Variants in EFL1 observed in about 807,000 individuals in gnomAD.
EFL1 encodes the protein elongation factor like GTPase 1, also known as elongation factor-like GTPase 1.
A neutral mutation model predicts 126.7 loss-of-function variants in EFL1; 76 were observed. The observed-to-expected ratio is 0.60, with a 90% CI of 0.50 to 0.73. EFL1 has a LOEUF of 0.73. Ranked by LOEUF, EFL1 falls within the 30% of genes least tolerant of loss-of-function variation. EFL1 has a pLI of 0.00. For synonymous variants in EFL1, 410 were observed against 448.4 expected (o/e 0.91, Z 1.08); for missense variants, 1,128 against 1,343.2 (o/e 0.84, Z 2.50).
At chr15:82,211,750 A>G (rs1243201728) in intron 15 of EFL1, among the ~76,000 whole-genome samples, 1 of 152,166 alleles carries the variant, frequency 6.6e-6, no homozygotes, top group East Asian at 1.9e-4. Flanking sequence ...ATCAAGGAAC[A>G]AGTAAAATTT....
intron 14 of EFL1, among the ~76,000 whole-genome samples, chr15:82,216,461 A>C (rs1480045749): frequency 6.6e-6 from 1 of 152,184 alleles, no homozygotes; most frequent in African/African-American, 2.4e-5. Flanking sequence ...GGTCTTTTTG[A>C]TGTCAAAACA....
At chr15:82,158,459 T>C (rs1328073445) in intron 16 of EFL1, among the ~76,000 whole-genome samples, 1 of 152,208 alleles carries the variant, frequency 6.6e-6, no homozygotes, top group African/African-American at 2.4e-5. Flanking sequence ...ATAGGGACTG[T>C]GACCTACATC....
chr15:82,195,894 A>G (rs1408180346), intron 15 of EFL1, among the ~76,000 whole-genome samples: 4 of 152,184 alleles, frequency 2.6e-5, no homozygotes, highest in Non-Finnish European at 4.4e-5. Flanking sequence ...AACAATGTAA[A>G]GGAATCAATG....
At chr15:82,239,375 A>T (rs2141325309) in intron 6 of EFL1, among the ~76,000 whole-genome samples, 1 of 152,190 alleles carries the variant, frequency 6.6e-6, no homozygotes, top group African/African-American at 2.4e-5. Flanking sequence ...TGACCTCGTG[A>T]TCCACCCGCC....
At chr15:82,209,526 T>C (rs1340784930) in intron 15 of EFL1, among the ~76,000 whole-genome samples, 1 of 152,214 alleles carries the variant, frequency 6.6e-6, no homozygotes, top group East Asian at 1.9e-4. Flanking sequence ...ATGGAAGAGA[T>C]CTAAAGGAGT....
At chr15:82,259,181 A>T in intron 2 of EFL1, 26 bp from the exon 3 acceptor site, 1 of 1,598,810 alleles carries the variant, frequency 6.3e-7, no homozygotes, top group South Asian at 1.1e-5. Context: ...CATCAATTCA[A>T]ATCTATATCT....
Position 82,220,247 on chromosome 15 carries a change from T to C in EFL1, c.1293-18A>G, listed in dbSNP as rs1489167782. The C allele has an allele frequency of 1.9e-6, 3 of 1,566,898 alleles. No homozygotes were observed. Among genetic ancestry groups the C allele is most frequent in the South Asian group, 1.2e-5 (1 of 83,420 alleles). ...TGAGAGGCCTACAGGATATCACAAA[T>C]ATGCTGTCATCTCTCAGTTCATCCA... On this transcript the variant is annotated intron_variant, in intron 12 of 19. Coordinates refer to ENST00000268206, the MANE Select transcript of EFL1 (RefSeq NM_024580.6).
At chr15:82,207,273 T>C (rs1235306349) in intron 15 of EFL1, among the ~76,000 whole-genome samples, 2 of 138,776 alleles carry the variant, frequency 1.4e-5, no homozygotes, top group Admixed American at 7.3e-5. Flanking sequence ...CATATATATA[T>C]ATTTATGTGT....
At chr15:82,151,352 C>T (rs766143041) in intron 18 of EFL1, 113 bp downstream of exon 18, 75 of 1,016,122 alleles carry the variant, frequency 7.4e-5, no homozygotes, top group Middle Eastern at 5.2e-4. Flanking sequence ...TGTGCCACTG[C>T]ACTCCAGCTG....
chr15:82,173,246 G>A (rs923266063), intron 15 of EFL1, among the ~76,000 whole-genome samples: 1 of 152,044 alleles, frequency 6.6e-6, no homozygotes, highest in Non-Finnish European at 1.5e-5. Flanking sequence ...GTTACAGAAG[G>A]TCATGAACAA....
In EFL1 at chr15:82,240,490, A is replaced by G. The variant is rs539249535; in HGVS notation, c.444T>C (p.Ile148=). 1.2e-6 allele frequency: 2 copies of G among 1,614,122 alleles called. No homozygotes were observed. The highest frequency in any genetic ancestry group is 2.7e-5 in the African/African-American group (2 of 75,062). Residue 148 remains isoleucine, a synonymous_variant, in exon 6 of 20, where the codon ATT becomes ATC. Coordinates refer to ENST00000268206, the MANE Select transcript of EFL1 (RefSeq NM_024580.6). The stretch of plus-strand genomic sequence containing the variant: ...ATTTCAGTTCCACTATCAAGCGATC[A>G]ATCTTATTAATCACTAAAACCGGAC... ...NIRPVLVINK[I]DRLIVELKFT...
At chr15:82,237,596 T>C (rs1241015045) in intron 7 of EFL1, among the ~76,000 whole-genome samples, 1 of 152,256 alleles carries the variant, frequency 6.6e-6, no homozygotes, top group Non-Finnish European at 1.5e-5. Flanking sequence ...GGAAACAGTT[T>C]GGTAGTTTCT....
chr15:82,189,988 G>A (rs1019807670), intron 15 of EFL1, among the ~76,000 whole-genome samples: 4 of 151,708 alleles, frequency 2.6e-5, no homozygotes, highest in Admixed American at 2.0e-4. Flanking sequence ...GGGATGGTGC[G>A]TGCCTGTAGT....
intron 18 of EFL1, among the ~76,000 whole-genome samples, chr15:82,147,368 G>A (rs780827734): frequency 7.2e-5 from 11 of 152,090 alleles, no homozygotes; most frequent in South Asian, 2.1e-4. Flanking sequence ...GGTGACTCAC[G>A]CCTGTAATCC....
intron 15 of EFL1, among the ~76,000 whole-genome samples, chr15:82,182,148 T>A (rs2074257976): frequency 6.6e-6 from 1 of 152,014 alleles, no homozygotes; most frequent in African/African-American, 2.4e-5. Flanking sequence ...GTCCCAGCTG[T>A]CAGGAGGCTG....
Position 82,130,557 on chromosome 15 carries a change from A to G in EFL1, c.3179T>C (p.Ile1060Thr), listed in dbSNP as rs769332265. The change falls in exon 20 of 20, where the codon ATT becomes ACT. Residue 1060 changes from isoleucine (I) to threonine (T), a missense_variant. Around this residue, in one of 6 missense-constraint regions of EFL1, gnomAD observed 561 missense variants for 641.7 expected, o/e 0.87. Coordinates refer to ENST00000268206, the MANE Select transcript of EFL1 (RefSeq NM_024580.6). ...TGGCACCCAGAAGGGGTCACTGGGA[A>G]TGATCTTGTAAAAGAAGATGACAGA... ...PQLVFSHWEI[I>T]PSDPFWVPTT... 7 of 1,613,520 alleles carry G rather than the reference A, an allele frequency of 4.3e-6. No homozygotes were observed. Among genetic ancestry groups the G allele is most frequent in the Non-Finnish European group, 5.1e-6 (6 of 1,179,826 alleles).
intron 18 of EFL1, 145 bp from the exon 19 acceptor site, chr15:82,138,987 TTTTTAAGTGTTTA>T: frequency 1.3e-6 from 1 of 787,714 alleles, no homozygotes; most frequent in Non-Finnish European, 1.8e-6. Context: ...CAAGGAACAC[TTTTTAAGTGTTTA>T]TTTAAAAAGC....
intron 15 of EFL1, among the ~76,000 whole-genome samples, chr15:82,212,957 A>T (rs1385242837): frequency 2.0e-5 from 3 of 152,178 alleles, no homozygotes; most frequent in Non-Finnish European, 4.4e-5. Context: ...ATTCTCAGAG[A>T]TATAAGGCCA....
intron 16 of EFL1, among the ~76,000 whole-genome samples, chr15:82,159,692 C>T (rs2074003239): frequency 6.6e-6 from 1 of 152,068 alleles, no homozygotes; most frequent in Admixed American, 6.6e-5. Flanking sequence ...AATTAACAAA[C>T]CTTCTAATTA....
Sources: allele counts gnomAD v4.1 joint callset (sites outside exome capture counted in the v4.1 genomes callset), GRCh38; gene constraint gnomAD v4.1.1; regional missense constraint gnomAD v4.1.1; transcripts MANE v1.5; gene names NCBI Gene and HGNC (gene_info 2026-07-23, HGNC 2026-07-21).